THSD7B: variants seen among roughly 807,000 people sequenced by gnomAD.
The protein encoded by THSD7B is thrombospondin type-1 domain-containing protein 7B.
A neutral mutation model predicts 213.6 loss-of-function variants in THSD7B; 138 were observed. That is an observed-to-expected ratio of 0.65 (90% CI 0.56 to 0.74). THSD7B has a LOEUF of 0.74. THSD7B is among the 30% of genes least tolerant of loss of function. The pLI is 0.00. For synonymous variants in THSD7B, 742 were observed against 687.0 expected (o/e 1.08, Z -1.25); for missense variants, 1,931 against 1,991.5 (o/e 0.97, Z 0.58).
chr2:137,094,404 C>T (rs1246207207), intron 3 of THSD7B, among the ~76,000 whole-genome samples: 2 of 152,136 alleles, frequency 1.3e-5, no homozygotes, highest in East Asian at 3.9e-4. Context: ...AACCCTGTCT[C>T]TACTGAAAAT....
At chr2:136,766,663 C>G (rs1681402256) in intron 1 of THSD7B, among the ~76,000 whole-genome samples, 1 of 151,996 alleles carries the variant, frequency 6.6e-6, no homozygotes. Flanking sequence ...GTACTTTTTT[C>G]TTTTGGAATG....
At chr2:136,860,243 G>A (rs1683238966) in intron 1 of THSD7B, among the ~76,000 whole-genome samples, 1 of 152,038 alleles carries the variant, frequency 6.6e-6, no homozygotes, top group Admixed American at 6.6e-5. Flanking sequence ...GATGCGAGTA[G>A]AGGGAGTGCG....
chr2:137,272,428 A>C, intron 10 of THSD7B, 105 bp from the exon 11 acceptor site: 3 of 1,198,878 alleles, frequency 2.5e-6, no homozygotes, highest in Non-Finnish European at 3.4e-6. Flanking sequence ...GACTTTCCAC[A>C]TGTGCTTACT....
chr2:137,006,972 G>A (rs1210067827), intron 2 of THSD7B, among the ~76,000 whole-genome samples: 1 of 152,156 alleles, frequency 6.6e-6, no homozygotes, highest in Non-Finnish European at 1.5e-5. Context: ...ATAAAAGTGT[G>A]CATTTTACTG....
chr2:136,837,793 A>G (rs959746368), intron 1 of THSD7B, among the ~76,000 whole-genome samples: 3 of 152,030 alleles, frequency 2.0e-5, no homozygotes, highest in African/African-American at 7.2e-5. Context: ...TTCATCTTTG[A>G]TGGTTTAAGT....
chr2:137,118,364 C>A (rs1688481896), intron 5 of THSD7B, among the ~76,000 whole-genome samples: 1 of 152,018 alleles, frequency 6.6e-6, no homozygotes, highest in African/African-American at 2.4e-5. Context: ...TAATAAAGAC[C>A]AGGGCAAATG....
chr2:137,341,316 G>A (rs1684756403), intron 12 of THSD7B, among the ~76,000 whole-genome samples: 1 of 150,732 alleles, frequency 6.6e-6, no homozygotes, highest in Non-Finnish European at 1.5e-5. Flanking sequence ...TGAGTTGTTT[G>A]AGCTCCTTAT....
intron 5 of THSD7B, among the ~76,000 whole-genome samples, chr2:137,151,881 C>T (rs1300074774): frequency 6.6e-6 from 1 of 152,092 alleles, no homozygotes; most frequent in Non-Finnish European, 1.5e-5. Flanking sequence ...TCTTATGGGA[C>T]CACAGTTGTC....
intron 2 of THSD7B, among the ~76,000 whole-genome samples, chr2:137,046,243 A>C (rs1686967704): frequency 6.6e-6 from 1 of 152,210 alleles, no homozygotes; most frequent in South Asian, 2.1e-4. Context: ...TGGAGTTTAG[A>C]GTCAACTGAG....
chr2:136,963,056 A>G (rs1319056578), intron 2 of THSD7B, among the ~76,000 whole-genome samples: 2 of 152,204 alleles, frequency 1.3e-5, no homozygotes, highest in Non-Finnish European at 2.9e-5. Context: ...GATGGCTGAA[A>G]TAGGTCAAAA....
intron 12 of THSD7B, among the ~76,000 whole-genome samples, chr2:137,355,123 T>A (rs2104926231): frequency 6.6e-6 from 1 of 152,260 alleles, no homozygotes; most frequent in South Asian, 2.1e-4. Flanking sequence ...TGAATGAATA[T>A]CAGATCTCAA....
At chr2:136,772,029 A>G (rs1433957414) in intron 1 of THSD7B, among the ~76,000 whole-genome samples, 1 of 152,100 alleles carries the variant, frequency 6.6e-6, no homozygotes, top group African/African-American at 2.4e-5. Context: ...AGGTACTGTT[A>G]TTTAGTCCCT....
chr2:137,112,460 C>A (rs761868635), intron 4 of THSD7B, among the ~76,000 whole-genome samples: 3 of 152,066 alleles, frequency 2.0e-5, no homozygotes, highest in South Asian at 2.1e-4. Flanking sequence ...GAGCTACCAA[C>A]AAGTTTTTTG....
intron 12 of THSD7B, among the ~76,000 whole-genome samples, chr2:137,359,942 C>G (rs1685216289): frequency 6.6e-6 from 1 of 152,140 alleles, no homozygotes. Flanking sequence ...AAGTACATCA[C>G]TTGTAATACA....
intron 2 of THSD7B, among the ~76,000 whole-genome samples, chr2:136,882,608 A>G (rs1238412870): frequency 6.6e-6 from 1 of 152,214 alleles, no homozygotes; most frequent in Non-Finnish European, 1.5e-5. Flanking sequence ...TGTGCAGCAC[A>G]TTTGTAGCAA....
intron 27 of THSD7B, among the ~76,000 whole-genome samples, chr2:137,672,360 T>C (rs1476621077): frequency 6.6e-6 from 1 of 152,206 alleles, no homozygotes; most frequent in East Asian, 1.9e-4. Context: ...AGAGTTTGCC[T>C]ATCCCTAGAG....
chr2:137,111,882 C>T (rs1247838705), intron 4 of THSD7B, among the ~76,000 whole-genome samples: 7 of 152,144 alleles, frequency 4.6e-5, no homozygotes, highest in South Asian at 2.1e-4. Context: ...GGTAGGACGC[C>T]GGCCTTTGCA....
chr2:137,214,809 A>C (rs1573891009), intron 7 of THSD7B, among the ~76,000 whole-genome samples: 1 of 152,104 alleles, frequency 6.6e-6, no homozygotes, highest in Admixed American at 6.6e-5. Context: ...TATATGTGCC[A>C]CATTTTCTTT....
rs3084747 is a variant in THSD7B, at chr2:136,884,146, G to A, written c.139+1829G>A. 9.1e-5 allele frequency among the ~76,000 whole-genome samples: 6 copies of A among 65,712 alleles called. 1 individual carries two copies. The South Asian group carries it at 2.1e-3, about 23-fold the overall frequency. 43.1% of individuals were successfully genotyped at this position (65,712 alleles called of 152,430 possible). ...GAATCACACAGAAGATACACATATA[G>A]TTATTAATTAGGTTCTGTTAAAAAA... On this transcript the variant is annotated intron_variant, in intron 2 of 27. Transcript: ENST00000409968.
Sources: gnomAD v4.1 joint callset for allele counts (sites outside exome capture counted in the v4.1 genomes callset) on GRCh38, gnomAD v4.1.1 for gene constraint, MANE v1.5 for transcripts, NCBI Gene and HGNC (gene_info 2026-07-23, HGNC 2026-07-21) for gene names.